Variants in MSI2 observed in about 807,000 individuals in gnomAD.
MSI2 encodes musashi RNA binding protein 2.
A neutral mutation model predicts 45.6 loss-of-function variants in MSI2; 17 were observed. The ratio of observed to expected loss-of-function variants is 0.37; its 90% CI spans 0.26 to 0.56. MSI2 has a LOEUF of 0.56. Among genes scored for constraint, MSI2 ranks in the 20% least tolerant of loss-of-function variants. The probability of loss-of-function intolerance (pLI) is 0.77; values close to 1 mark genes in which losing one functional copy is unlikely to be tolerated. For synonymous variants in MSI2, 156 were observed against 158.2 expected (o/e 0.99, Z 0.11); for missense variants, 293 against 444.2 (o/e 0.66, Z 3.06).
intron 8 of MSI2, among the ~76,000 whole-genome samples, chr17:57,610,083 C>CTGA (rs1424323948): frequency 6.6e-6 from 1 of 152,090 alleles, no homozygotes; most frequent in Non-Finnish European, 1.5e-5. Context: ...CGTACTGAGA[C>CTGA]TGATAACTGT....
At chr17:57,303,027 CT>C (rs1457359267) in intron 5 of MSI2, among the ~76,000 whole-genome samples, 1 of 152,188 alleles carries the variant, frequency 6.6e-6, no homozygotes, top group Admixed American at 6.5e-5. Context: ...GACCACCAGG[CT>C]CCAGCTGGTG....
At chr17:57,448,119 T>C (rs1235035732) in intron 6 of MSI2, 1 of 152,210 alleles carries the variant, frequency 6.6e-6, no homozygotes, top group East Asian at 1.9e-4. Flanking sequence ...CAGGGCTCTC[T>C]GGTGGGCATC....
intron 7 of MSI2, among the ~76,000 whole-genome samples, chr17:57,530,430 G>A (rs1358154363): frequency 6.6e-6 from 1 of 152,180 alleles, no homozygotes; most frequent in African/African-American, 2.4e-5. Context: ...TCCCCAAAAA[G>A]AACACATTAA....
chr17:57,330,166 C>T (rs922842910), intron 5 of MSI2, among the ~76,000 whole-genome samples: 3 of 152,140 alleles, frequency 2.0e-5, no homozygotes, highest in Non-Finnish European at 4.4e-5. Context: ...GTGTTCAGCA[C>T]TGCTGCTGTT....
At chr17:57,594,206 C>T (rs977339774) in intron 7 of MSI2, among the ~76,000 whole-genome samples, 5 of 152,216 alleles carry the variant, frequency 3.3e-5, no homozygotes, top group African/African-American at 1.2e-4. Flanking sequence ...GCACGCTGGC[C>T]AATTTCCGCG....
intron 6 of MSI2, chr17:57,450,027 AAAACAAAC>A (rs140170785): frequency 0.01 from 1,588 of 152,418 alleles, 21 homozygotes; most frequent in Non-Finnish European, 0.016. Flanking sequence ...TCCATCTCAA[AAAACAAAC>A]AAACAAACAA....
intron 5 of MSI2, among the ~76,000 whole-genome samples, chr17:57,331,858 A>G (rs1184342277): frequency 6.6e-6 from 1 of 152,200 alleles, no homozygotes; most frequent in Non-Finnish European, 1.5e-5. Context: ...GTTACACACA[A>G]TATGACCCTA....
At chr17:57,598,615 C>T (rs951883674) in intron 8 of MSI2, among the ~76,000 whole-genome samples, 2 of 152,040 alleles carry the variant, frequency 1.3e-5, no homozygotes, top group African/African-American at 4.8e-5. Flanking sequence ...CCCAGATGTC[C>T]GTGCAAGTTT....
At chr17:57,374,364 G>A (rs776148459) in intron 5 of MSI2, among the ~76,000 whole-genome samples, 3 of 152,154 alleles carry the variant, frequency 2.0e-5, no homozygotes, top group Admixed American at 6.5e-5. Context: ...CCTTGAACTT[G>A]TATCCTGATA....
chr17:57,692,912 T>C, the MSI2 span, among the ~76,000 whole-genome samples: 54 of 147,866 alleles, frequency 3.7e-4, no homozygotes, highest in Admixed American at 1.2e-3. Context: ...TTTTTTTTTT[T>C]CTCTTTGTTT....
chr17:57,652,858 G>A lies in MSI2; in HGVS notation c.790+697G>A, dbSNP rs950432032. On this transcript the variant is annotated intron_variant, in intron 11 of 13. Transcript: ENST00000284073. This position sits in a 1 kb window ranked among gnomAD's most constrained non-coding sequence, Gnocchi z 4.1. ...AACACTTTCCCAGCATTATCATGGG[G>A]TCAGGCCAGAGCTGGGATATGTCCA... is the stretch of plus-strand genomic sequence containing the variant. Among the ~76,000 whole-genome samples, 1 of 152,204 alleles carries A rather than the reference G, an allele frequency of 6.6e-6. No individual in the cohort carries two copies. The highest frequency in any genetic ancestry group is 2.4e-5 in the African/African-American group (1 of 41,458).
intron 7 of MSI2, among the ~76,000 whole-genome samples, chr17:57,595,566 C>A (rs1244640950): frequency 6.6e-6 from 1 of 152,098 alleles, no homozygotes; most frequent in African/African-American, 2.4e-5. Context: ...CCTGTTGCAT[C>A]CTCGCATGGT....
chr17:57,457,209 G>A (rs538496060), intron 6 of MSI2, among the ~76,000 whole-genome samples: 1 of 152,258 alleles, frequency 6.6e-6, no homozygotes, highest in East Asian at 1.9e-4. Context: ...CCCCAAAGGG[G>A]TAAGAGATTT....
At chr17:57,434,248 T>C (rs2084651546) in intron 6 of MSI2, among the ~76,000 whole-genome samples, 1 of 152,100 alleles carries the variant, frequency 6.6e-6, no homozygotes, top group Non-Finnish European at 1.5e-5. Flanking sequence ...TACAGGCACC[T>C]GCCACCACAC....
intron 6 of MSI2, among the ~76,000 whole-genome samples, chr17:57,451,187 CCT>C (rs1404794885): frequency 1.3e-5 from 2 of 152,128 alleles, no homozygotes; most frequent in Non-Finnish European, 2.9e-5. Flanking sequence ...GACCCTGACA[CCT>C]CTCTGAACTA....
At chr17:57,342,553 G>A (rs1915259507) in intron 5 of MSI2, among the ~76,000 whole-genome samples, 1 of 152,200 alleles carries the variant, frequency 6.6e-6, no homozygotes, top group African/African-American at 2.4e-5. Context: ...AGAAAATTGA[G>A]AGGATATTAG....
intron 7 of MSI2, among the ~76,000 whole-genome samples, chr17:57,547,066 A>G (rs7211027): frequency 0.53 from 81,196 of 152,070 alleles, 22,534 homozygotes; most frequent in African/African-American, 0.69. Context: ...TCCCTGAGGA[A>G]TAGGCCTTGG....
At chr17:57,360,206 T>C (rs941504123) in intron 5 of MSI2, among the ~76,000 whole-genome samples, 1 of 152,362 alleles carries the variant, frequency 6.6e-6, no homozygotes, top group Middle Eastern at 3.4e-3. Flanking sequence ...GTTTTAGGAC[T>C]TAAGGAAGGA....
rs548706190 is a variant in MSI2, at chr17:57,589,580, C to T, written c.455-7288C>T. ...CCCGAGGTGTGGGGTTGCCAATGGA[C>T]GCACAGCCAACTGGGGCTCGACTTG... On this transcript the variant is annotated intron_variant, in intron 7 of 13. Transcript: ENST00000284073. Among the ~76,000 whole-genome samples, 98 of 152,336 alleles carry T rather than the reference C, an allele frequency of 6.4e-4. 3 individuals carry two copies. Among genetic ancestry groups the T allele is most frequent in the Non-Finnish European group, 1.2e-4 (8 of 68,030 alleles).
Sources: gnomAD v4.1 joint callset for allele counts (sites outside exome capture counted in the v4.1 genomes callset) on GRCh38, gnomAD v4.1.1 for gene constraint, Gnocchi (gnomAD v3.1) non-coding constraint, MANE v1.5 for transcripts, NCBI Gene and HGNC (gene_info 2026-07-23, HGNC 2026-07-21) for gene names.